The following CNTN5 variants were observed in gnomAD, a reference collection of about 807,000 sequenced individuals.
CNTN5 encodes the protein contactin 5, also known as contactin-5.
A neutral mutation model predicts 129.1 loss-of-function variants in CNTN5; 77 were observed. The ratio of observed to expected loss-of-function variants is 0.60; its 90% CI spans 0.50 to 0.72. The LOEUF (loss-of-function observed/expected upper bound fraction) is 0.72. Among genes scored for constraint, CNTN5 ranks in the 30% least tolerant of loss-of-function variants. CNTN5 has a pLI of 0.00. For synonymous variants in CNTN5, 509 were observed against 465.6 expected (o/e 1.09, Z -1.20); for missense variants, 1,478 against 1,328.8 (o/e 1.11, Z -1.75).
chr11:99,178,741 A>G (rs1239042665), intron 1 of CNTN5, among the ~76,000 whole-genome samples: 1 of 152,166 alleles, frequency 6.6e-6, no homozygotes, highest in Admixed American at 6.5e-5. Flanking sequence ...GACTAATTTC[A>G]TTCATCTATA....
chr11:100,306,789 A>C (rs1031592978), intron 20 of CNTN5, among the ~76,000 whole-genome samples: 1 of 151,696 alleles, frequency 6.6e-6, no homozygotes, highest in Non-Finnish European at 1.5e-5. Context: ...ATGCACAAAT[A>C]ATAGGGAGTT....
intron 1 of CNTN5, among the ~76,000 whole-genome samples, chr11:99,290,859 T>C (rs1298172894): frequency 6.6e-6 from 1 of 151,910 alleles, no homozygotes; most frequent in East Asian, 1.9e-4. Context: ...GCTGGTTTCA[T>C]TAAAGTTATG....
intron 1 of CNTN5, among the ~76,000 whole-genome samples, chr11:99,139,291 A>C (rs1207256255): frequency 6.6e-6 from 1 of 152,102 alleles, no homozygotes; most frequent in Non-Finnish European, 1.5e-5. Context: ...ACAAAACAAC[A>C]ACAAAACTGT....
intron 2 of CNTN5, among the ~76,000 whole-genome samples, chr11:99,328,660 C>T (rs548745351): frequency 3.1e-4 from 47 of 151,894 alleles, no homozygotes; most frequent in Middle Eastern, 3.4e-3. Flanking sequence ...CACCTGAGGT[C>T]GGGAGTTTGA....
intron 9 of CNTN5, among the ~76,000 whole-genome samples, chr11:100,051,612 A>G (rs1942959306): frequency 6.6e-6 from 1 of 151,952 alleles, no homozygotes; most frequent in Non-Finnish European, 1.5e-5. Flanking sequence ...GAAAAGAAAG[A>G]TTAAGTAGTA....
At chr11:99,081,188 A>G (rs1865781843) in intron 1 of CNTN5, among the ~76,000 whole-genome samples, 1 of 152,096 alleles carries the variant, frequency 6.6e-6, no homozygotes, top group Non-Finnish European at 1.5e-5. Flanking sequence ...GTTCTTCCTC[A>G]TTTCTCAATA....
intron 2 of CNTN5, among the ~76,000 whole-genome samples, chr11:99,444,716 A>G (rs898499285): frequency 6.6e-6 from 1 of 152,138 alleles, no homozygotes; most frequent in Non-Finnish European, 1.5e-5. Context: ...ATATATGTAT[A>G]CATATATATT....
chr11:99,843,476 C>T (rs905797531), intron 4 of CNTN5, among the ~76,000 whole-genome samples: 2 of 151,944 alleles, frequency 1.3e-5, no homozygotes, highest in East Asian at 1.9e-4. Flanking sequence ...TTTCCTGGAA[C>T]ATTTATTTTT....
chr11:99,829,130 A>G (rs1369711639), intron 4 of CNTN5, among the ~76,000 whole-genome samples: 1 of 152,206 alleles, frequency 6.6e-6, no homozygotes, highest in African/African-American at 2.4e-5. Context: ...TTTTGAAGAT[A>G]TTCCCTGGTG....
At chr11:99,479,419 A>T (rs1875891) in intron 2 of CNTN5, among the ~76,000 whole-genome samples, 40,637 of 151,916 alleles carry the variant, frequency 0.27, 5,743 homozygotes, top group Admixed American at 0.36. Context: ...GGTTTTACTT[A>T]ATTCATGTCA....
chr11:99,080,023 C>G (rs141423646), intron 1 of CNTN5, among the ~76,000 whole-genome samples: 1 of 152,122 alleles, frequency 6.6e-6, no homozygotes, highest in Non-Finnish European at 1.5e-5. Flanking sequence ...ATGTGTAACA[C>G]GAAGCCTAAC....
At chr11:100,132,800 C>CA (rs894413663) in intron 13 of CNTN5, among the ~76,000 whole-genome samples, 1 of 151,552 alleles carries the variant, frequency 6.6e-6, no homozygotes, top group South Asian at 2.1e-4. Context: ...CACCATTTTG[C>CA]AAAAAAGGTA....
rs1157521708 is a variant in CNTN5, at chr11:99,894,545, C to CA, written c.578-21504dup. Among the ~76,000 whole-genome samples, 48 of 94,960 alleles carry CA rather than the reference C, an allele frequency of 5.1e-4. No homozygotes were observed. The East Asian group carries it at 7.5e-3, about 15-fold the overall frequency. 62.3% of individuals were successfully genotyped at this position (94,960 alleles called of 152,430 possible). Reference sequence around the variant, plus strand: ...AAAAAAAAAACCAAAAAACAAAAAACAAAAACAAAAACAAAAAAAACAAAA... The same window carrying CA: ...AAAAAAAAAACCAAAAAACAAAAAACAAAAAACAAAAACAAAAAAAACAAAA... On this transcript the variant is annotated intron_variant, in intron 6 of 24. Transcript: ENST00000524871.
intron 2 of CNTN5, among the ~76,000 whole-genome samples, chr11:99,384,786 T>A (rs1411491656): frequency 1.3e-5 from 2 of 152,216 alleles, no homozygotes; most frequent in East Asian, 3.8e-4. Flanking sequence ...TAATTGTATA[T>A]ATGGAATACA....
intron 8 of CNTN5, among the ~76,000 whole-genome samples, chr11:99,988,661 A>T (rs975610721): frequency 3.7e-4 from 56 of 152,320 alleles, no homozygotes; most frequent in Admixed American, 3.6e-3. Context: ...GTGGGGACTA[A>T]GACAGGAAGG....
At chr11:99,766,761 A>G (rs923555931) in intron 3 of CNTN5, among the ~76,000 whole-genome samples, 4 of 152,034 alleles carry the variant, frequency 2.6e-5, no homozygotes, top group African/African-American at 2.4e-5. Flanking sequence ...AGTTATGCCT[A>G]TTTTAACAAG....
At chr11:100,159,199 T>C (rs1245477000) in intron 13 of CNTN5, among the ~76,000 whole-genome samples, 1 of 151,696 alleles carries the variant, frequency 6.6e-6, no homozygotes, top group African/African-American at 2.4e-5. Context: ...TAGATTTGTC[T>C]TGTGAAAAAA....
chr11:99,937,459 G>A (rs149742089), intron 7 of CNTN5, among the ~76,000 whole-genome samples: 572 of 152,282 alleles, frequency 3.8e-3, no homozygotes, highest in Middle Eastern at 0.014. Flanking sequence ...AGAGAAAACT[G>A]GCTGACCTCG....
At chr11:100,223,619 G>A (rs754749152) in intron 15 of CNTN5, among the ~76,000 whole-genome samples, 1 of 152,050 alleles carries the variant, frequency 6.6e-6, no homozygotes, top group Non-Finnish European at 1.5e-5. Flanking sequence ...TGTAATCTGG[G>A]ATGCCTCTCT....
Sources: gnomAD v4.1 joint callset for allele counts (sites outside exome capture counted in the v4.1 genomes callset) on GRCh38, gnomAD v4.1.1 for gene constraint, MANE v1.5 for transcripts, NCBI Gene and HGNC (gene_info 2026-07-23, HGNC 2026-07-21) for gene names.